Variants in BTRC observed in about 807,000 individuals in gnomAD.
The protein encoded by BTRC is beta-transducin repeat containing E3 ubiquitin protein ligase.
In BTRC, 42 loss-of-function variants were observed where a neutral mutation model predicts 85.5. The observed-to-expected ratio is 0.49, with a 90% CI of 0.38 to 0.64. The LOEUF is 0.64. Among genes scored for constraint, BTRC ranks in the 30% least tolerant of loss-of-function variants. BTRC has a pLI of 0.00. For synonymous variants in BTRC, 255 were observed against 263.3 expected, an observed-to-expected ratio of 0.97 and a Z score of 0.30; for missense variants, 594 against 743.5, an observed-to-expected ratio of 0.80 and a Z score of 2.34.
At chr10:101,488,517 T>G (rs1564803093) in intron 4 of BTRC, among the ~76,000 whole-genome samples, 1 of 152,176 alleles carries the variant, frequency 6.6e-6, no homozygotes, top group Non-Finnish European at 1.5e-5. Context: ...AATCAAATGG[T>G]ATTAGGCTAT....
At chr10:101,443,858 C>G (rs571890737) in intron 2 of BTRC, among the ~76,000 whole-genome samples, 1 of 152,342 alleles carries the variant, frequency 6.6e-6, no homozygotes, top group East Asian at 1.9e-4. Flanking sequence ...CTAGCCACAA[C>G]TCCGATTCGA....
chr10:101,398,231 C>T (rs909593377), intron 1 of BTRC, among the ~76,000 whole-genome samples: 15 of 152,028 alleles, frequency 9.9e-5, no homozygotes, highest in African/African-American at 3.1e-4. Flanking sequence ...TCTGTAAGAC[C>T]GGACACATGC....
In BTRC at chr10:101,430,545, T is replaced by C. The variant is rs185528985; in HGVS notation, c.156+93T>C. On this transcript the variant is annotated intron_variant, in intron 2 of 14. Coordinates refer to ENST00000370187, the MANE Select transcript of BTRC (RefSeq NM_033637.4). ...CTCCTCCTTTCCCATACTTTACTTA[T>C]ATTCATCTTTTCTCCTTCATATTGC... 4.9e-4 allele frequency: 468 copies of C among 956,880 alleles called. 1 individual carries two copies. The highest frequency in any genetic ancestry group is 6.9e-4 in the Non-Finnish European group (431 of 621,170). The allele number at this position is 956,880 out of a possible 1,614,324, so 59.3% of individuals were successfully genotyped here.
intron 13 of BTRC, among the ~76,000 whole-genome samples, chr10:101,539,241 G>C (rs189399333): frequency 6.6e-6 from 1 of 152,274 alleles, no homozygotes; most frequent in Admixed American, 6.5e-5. Flanking sequence ...TTATCATGTT[G>C]TTAGCCAAGG....
rs146442260 is a variant in BTRC, at chr10:101,486,624, A to G, written c.324+7167A>G. Among the ~76,000 whole-genome samples, 704 of 152,232 alleles carry G rather than the reference A, an allele frequency of 4.6e-3. 3 individuals are homozygous for G. Among genetic ancestry groups the G allele is most frequent in the African/African-American group, 0.016 (668 of 41,520 alleles). ...AGTTAAATTTCTTTATTTAAAAGGC[A>G]TCGGTTTCTATTATTTATACCTTCA... On this transcript the variant is annotated intron_variant, in intron 4 of 14. Coordinates refer to ENST00000370187, the MANE Select transcript of BTRC (RefSeq NM_033637.4).
At chr10:101,507,916 C>G (rs1946583563) in intron 4 of BTRC, among the ~76,000 whole-genome samples, 1 of 152,048 alleles carries the variant, frequency 6.6e-6, no homozygotes, top group African/African-American at 2.4e-5. Context: ...GTTTACCAGC[C>G]TTGGAGGTGT....
intron 8 of BTRC, among the ~76,000 whole-genome samples, 159 bp from the exon 9 acceptor site, chr10:101,532,771 TGTGTGTGTGTGTGTGTGTGCGC>T (rs2062309438): frequency 1.1e-4 from 8 of 72,088 alleles, no homozygotes; most frequent in Admixed American, 1.1e-3. Context: ...TGTGTGTGTG[TGTGTGTGTGTGTGTGTGTGCGC>T]GTGTGCGCGC....
chr10:101,456,168 CA>C (rs11321590), intron 2 of BTRC, among the ~76,000 whole-genome samples: 54,069 of 136,288 alleles, frequency 0.4, 10,816 homozygotes, highest in Middle Eastern at 0.52. Context: ...GACTCTGTTT[CA>C]AAAAAAAAAA....
chr10:101,475,834 G>A (rs1298938319), intron 3 of BTRC, among the ~76,000 whole-genome samples: 1 of 147,804 alleles, frequency 6.8e-6, no homozygotes, highest in Non-Finnish European at 1.5e-5. Flanking sequence ...AATTACCATA[G>A]GCATGATTAG....
At chr10:101,485,852 A>G (rs1041728621) in intron 4 of BTRC, among the ~76,000 whole-genome samples, 3 of 152,160 alleles carry the variant, frequency 2.0e-5, no homozygotes, top group Non-Finnish European at 2.9e-5. Context: ...GGTTAGGGGA[A>G]AGAGGGATGA....
intron 1 of BTRC, among the ~76,000 whole-genome samples, chr10:101,408,105 G>A (rs973692769): frequency 1.3e-5 from 2 of 151,948 alleles, no homozygotes; most frequent in Non-Finnish European, 2.9e-5. Context: ...AAAATCAATG[G>A]GTATTTTAAA....
chr10:101,444,719 T>C (rs1944777400), intron 2 of BTRC, among the ~76,000 whole-genome samples: 1 of 152,244 alleles, frequency 6.6e-6, no homozygotes, highest in South Asian at 2.1e-4. Flanking sequence ...GTGGTGAGTG[T>C]AGAATACAGC....
intron 1 of BTRC, among the ~76,000 whole-genome samples, chr10:101,356,775 C>T (rs1293857108): frequency 2.0e-5 from 3 of 152,172 alleles, no homozygotes; most frequent in Non-Finnish European, 4.4e-5. Context: ...GAGTAAGTCA[C>T]AACTTCCCTT....
chr10:101,486,357 G>A lies in BTRC; in HGVS notation c.324+6900G>A, dbSNP rs559152673. ...ATTCGGCTGGGGGCTTGTAATTGGC[G>A]CCATCAGCACGTTTTGCGGAGTGCA... On this transcript the variant is annotated intron_variant, in intron 4 of 14. Transcript: ENST00000370187. Among the ~76,000 whole-genome samples, 7 of 152,078 alleles carry A rather than the reference G, an allele frequency of 4.6e-5. No homozygotes were observed. The East Asian group carries it at 9.7e-4, about 21-fold the overall frequency.
Position 101,354,225 on chromosome 10 carries a change from T to G in BTRC, c.45T>G (p.Phe15Leu). The G allele has an allele frequency of 6.5e-7, 1 of 1,548,886 alleles. No homozygotes were observed. The highest frequency in any genetic ancestry group is 1.4e-5 in the African/African-American group (1 of 73,006). The change falls in exon 1 of 15, where the codon TTT becomes TTG. Residue 15 changes from phenylalanine (F) to leucine (L), a missense_variant. Transcript: ENST00000370187. ...TGCTGCAAGAGAAGGCACTCAAGTT[T>G]ATGGTGAGGAGACGGTGGAGGCCGG... The part of the protein sequence containing the change: ...EAVLQEKALK[F>L]MCSMPRSLWL...
intron 4 of BTRC, among the ~76,000 whole-genome samples, chr10:101,491,314 A>G (rs1429210341): frequency 6.6e-6 from 1 of 152,182 alleles, no homozygotes; most frequent in Non-Finnish European, 1.5e-5. Context: ...CTGTGTCACA[A>G]TTTGTAGTGT....
intron 1 of BTRC, among the ~76,000 whole-genome samples, chr10:101,385,168 A>T (rs529738294): frequency 6.6e-6 from 1 of 151,730 alleles, no homozygotes; most frequent in Admixed American, 6.6e-5. Context: ...GCTGCATTCC[A>T]GCCTGGGACA....
Position 101,533,012 on chromosome 10 carries a change from C to T in BTRC, c.1039C>T (p.Leu347Phe), listed in dbSNP as rs2062323465. 6.2e-7 allele frequency: 1 copy of T among 1,613,438 alleles called. No individual in the cohort carries two copies. Among genetic ancestry groups the T allele is most frequent in the Non-Finnish European group, 8.5e-7 (1 of 1,179,792 alleles). Residue 347 changes from leucine to phenylalanine, a missense_variant, in exon 9 of 15, where the codon CTC (leucine) becomes TTC (phenylalanine). Coordinates refer to ENST00000370187, the MANE Select transcript of BTRC (RefSeq NM_033637.4). ...RILTGHTGSV[L>F]CLQYDERVII... ...TCTCACAGGCCATACAGGTTCAGTC[C>T]TCTGTCTCCAGTATGATGAGAGAGT...
intron 7 of BTRC, among the ~76,000 whole-genome samples, chr10:101,532,002 C>G (rs989286791): frequency 2.0e-5 from 3 of 152,142 alleles, no homozygotes; most frequent in African/African-American, 7.2e-5. Context: ...TATAACCTCA[C>G]GTAGTTCGTA....
Sources: allele counts gnomAD v4.1 joint callset (sites outside exome capture counted in the v4.1 genomes callset), GRCh38; gene constraint gnomAD v4.1.1; transcripts MANE v1.5; gene names NCBI Gene and HGNC (gene_info 2026-07-23, HGNC 2026-07-21).